Variants in GRAP observed in about 807,000 individuals in gnomAD.
GRAP encodes the protein GRB2-related adapter protein.
GRAP carries 2 observed loss-of-function variants against 9.1 expected under a neutral mutation model. The observed-to-expected ratio is 0.22, with a 90% confidence interval of 0.09 to 0.69. The LOEUF (loss-of-function observed/expected upper bound fraction) is 0.69. Among genes scored for constraint, GRAP ranks in the 30% least tolerant of loss-of-function variants. The probability of loss-of-function intolerance (pLI) is 0.81; values close to 1 mark genes in which losing one functional copy is unlikely to be tolerated. For synonymous variants in GRAP, 68 were observed against 73.6 expected (o/e 0.92, Z 0.39); for missense variants, 113 against 179.4 (o/e 0.63, Z 2.12).
intron 3 of GRAP, among the ~76,000 whole-genome samples, chr17:19,025,654 C>T (rs2044309933): frequency 7.2e-6 from 1 of 139,850 alleles, no homozygotes; most frequent in South Asian, 2.6e-4. Context: ...GCTCTGTCAC[C>T]CAGGCTAGAG....
At chr17:19,025,500 TTCTC>T (rs2044308322) in intron 3 of GRAP, among the ~76,000 whole-genome samples, 1 of 130,646 alleles carries the variant, frequency 7.7e-6, no homozygotes, top group Non-Finnish European at 1.6e-5. Context: ...CCACGGATTT[TTCTC>T]TCTCATTTCC....
In GRAP at chr17:19,021,930, C is replaced by G. The variant is rs539058799; in HGVS notation, c.*29G>C. The G allele has an allele frequency of 4.7e-6, 7 of 1,474,888 alleles. No homozygotes were observed. Among genetic ancestry groups the G allele is most frequent in the Non-Finnish European group, 6.3e-6 (7 of 1,113,898 alleles). 91.4% of individuals were successfully genotyped at this position (1,474,888 alleles called of 1,614,324 possible). ...CTGGACCTCAGTTCCTGTAAAAAGG[C>G]CCGTTGGCCAGATCGGCCGCCGGGC... On this transcript the variant is annotated 3_prime_UTR_variant, in exon 5 of 5. Transcript: ENST00000284154. This position sits in a 1 kb window ranked among gnomAD's most constrained non-coding sequence, Gnocchi z 4.1.
Position 19,020,789 on chromosome 17 carries a change from G to C in GRAP, c.*1170C>G, listed in dbSNP as rs1431472747. The C allele has an allele frequency of 7.8e-6, 2 of 255,072 alleles. No individual in the cohort carries two copies. The highest frequency in any genetic ancestry group is 1.5e-5 in the Non-Finnish European group (2 of 129,538). 15.8% of individuals were successfully genotyped at this position (255,072 alleles called of 1,614,324 possible). A position where few individuals can be genotyped will look rare whatever the true frequency, so the allele number is the denominator to read the frequency against. ...TTCTAAGGGTCTTGGGCCAGCTCTG[G>C]ATGGAGGAAGAGCCCCACATGCCCA... is the stretch of plus-strand genomic sequence containing the variant. On this transcript the variant is annotated 3_prime_UTR_variant, in exon 5 of 5. Coordinates refer to ENST00000284154, the MANE Select transcript of GRAP (RefSeq NM_006613.4).
rs149136744 is a variant in GRAP at position 19,025,635 on chromosome 17, C to T, written c.300-1252G>A. On this transcript the variant is annotated intron_variant, in intron 3 of 4. Transcript: ENST00000284154. ...TTTTCTTTTTTTTTTTTTTTTGAGG[C>T]GTAGTCTCGCTCTGTCACCCAGGCT... Among the ~76,000 whole-genome samples, 1,517 of 139,794 alleles carry T rather than the reference C, an allele frequency of 0.011. 54 individuals carry two copies. The East Asian group carries it at 0.19, about 18-fold the overall frequency. The allele number at this position is 139,794 out of a possible 152,430, so 91.7% of individuals were successfully genotyped here. A position where few individuals can be genotyped will look rare whatever the true frequency, so the allele number is the denominator to read the frequency against.
upstream of GRAP, among the ~76,000 whole-genome samples, chr17:19,048,496 G>C (rs2044385261): frequency 9.4e-6 from 1 of 106,654 alleles, no homozygotes; most frequent in Non-Finnish European, 1.6e-5. Context: ...ATTTTAGCCA[G>C]TGGATTATAA....
At chr17:19,030,042 T>C (rs2044328605) in intron 3 of GRAP, among the ~76,000 whole-genome samples, 1 of 69,956 alleles carries the variant, frequency 1.4e-5, no homozygotes, top group African/African-American at 4.2e-5. Context: ...GGAGTGACTG[T>C]TATGTGTGAG....
At chr17:19,027,598 T>G (rs1186633239) in intron 3 of GRAP, among the ~76,000 whole-genome samples, 1 of 136,514 alleles carries the variant, frequency 7.3e-6, no homozygotes, top group African/African-American at 2.7e-5. Flanking sequence ...AAGCTTGGGT[T>G]CACCCACAGC....
intron 1 of GRAP, among the ~76,000 whole-genome samples, chr17:19,043,411 GGT>G (rs1341706219): frequency 1.3e-5 from 2 of 151,050 alleles, no homozygotes; most frequent in Non-Finnish European, 3.0e-5. Context: ...GACCACCTGA[GGT>G]CAGGAGTTCA....
At position 19,022,034 on chromosome 17, in the gene GRAP, G is replaced by A. The variant is rs766784776; in HGVS notation, c.579C>T (p.Pro193=). 2 of 1,599,714 alleles carry A rather than the reference G, an allele frequency of 1.3e-6. No individual in the cohort carries two copies. The highest frequency in any genetic ancestry group is 2.7e-5 in the African/African-American group (2 of 74,518). The change falls in exon 5 of 5, where the codon CCC becomes CCT. Residue 193 remains proline, a synonymous_variant. Coordinates refer to ENST00000284154, the MANE Select transcript of GRAP (RefSeq NM_006613.4). ...DIIEVLERPD[P]HWWRGRSCGR... Reference sequence around the variant, plus strand: ...CGCAGGACCGGCCCCGCCACCAGTGGGGGTCTGGGCGCTCCAGGACCTCAA... The same window carrying A: ...CGCAGGACCGGCCCCGCCACCAGTGAGGGTCTGGGCGCTCCAGGACCTCAA...
intron 4 of GRAP, 145 bp from the exon 5 acceptor site, chr17:19,022,289 G>A (rs1366023866): frequency 2.0e-6 from 1 of 497,584 alleles, no homozygotes; most frequent in South Asian, 3.4e-5. Context: ...CCAGATCAAT[G>A]GTAGTGCCAC....
Position 19,022,094 on chromosome 17 carries a change from G to A in GRAP, c.519C>T (p.Asp173=). The change falls in exon 5 of 5, where the codon GAC becomes GAT. Residue 173 remains aspartate (D), a synonymous_variant. Coordinates refer to ENST00000284154, the MANE Select transcript of GRAP (RefSeq NM_006613.4). ...AQAQFDFSAQ[D]PSQLSFRRGD... ...CACGGCGGAAGCTGAGCTGCGAGGG[G>A]TCCTGGGCTGAGAAGTCAAACTGGG... 1 of 1,578,738 alleles carries A rather than the reference G, an allele frequency of 6.3e-7. No homozygotes were observed. Among genetic ancestry groups the A allele is most frequent in the Non-Finnish European group, 8.6e-7 (1 of 1,163,348 alleles).
Position 19,024,115 on chromosome 17 carries a change from A to C in GRAP, c.468+100T>G. 2 of 1,202,464 alleles carry C rather than the reference A, an allele frequency of 1.7e-6. No homozygotes were observed. The highest frequency in any genetic ancestry group is 2.4e-6 in the Non-Finnish European group (2 of 849,664). The allele number at this position is 1,202,464 out of a possible 1,614,324, so 74.5% of individuals were successfully genotyped here. The stretch of plus-strand genomic sequence containing the variant: ...GCAATACCAGGCTGCTGGGGAAGTG[A>C]GACCAGGCCCGTGCTTGGCCTCAGT... On this transcript the variant is annotated intron_variant, in intron 4 of 4. Transcript: ENST00000284154. This position sits in a 1 kb window ranked among gnomAD's most constrained non-coding sequence, Gnocchi z 4.2.
intron 3 of GRAP, among the ~76,000 whole-genome samples, chr17:19,025,277 C>T (rs1264020878): frequency 1.3e-5 from 2 of 150,430 alleles, no homozygotes; most frequent in African/African-American, 2.4e-5. Context: ...CTGCAAGCTC[C>T]GCCTCCCAGG....
chr17:19,021,949 G>A lies in GRAP; in HGVS notation c.*10C>T. On this transcript the variant is annotated 3_prime_UTR_variant, in exon 5 of 5. Transcript: ENST00000284154. This position sits in a 1 kb window ranked among gnomAD's most constrained non-coding sequence, Gnocchi z 4.1. The stretch of plus-strand genomic sequence containing the variant: ...AAAAGGCCCGTTGGCCAGATCGGCC[G>A]CCGGGCTGCTCACAGGTGCACGGGC... The A allele has an allele frequency of 3.3e-6, 5 of 1,504,960 alleles. No homozygotes were observed. The South Asian group carries it at 4.0e-5, about 12-fold the overall frequency. The allele number at this position is 1,504,960 out of a possible 1,614,324, so 93.2% of individuals were successfully genotyped here.
At position 19,029,999 on chromosome 17, in the gene GRAP, T is replaced by G. The variant is rs1395448578; in HGVS notation, c.300-5616A>C. ...TGAGTGTGCATTCCTGGGATGCTTG[T>G]GTGTGTGTGTCTGTGTGTGTCTCCC... On this transcript the variant is annotated intron_variant, in intron 3 of 4. Transcript: ENST00000284154. Among the ~76,000 whole-genome samples, 2 of 67,582 alleles carry G rather than the reference T, an allele frequency of 3.0e-5. 1 individual carries two copies. Among genetic ancestry groups the G allele is most frequent in the East Asian group, 4.0e-4 (2 of 4,986 alleles). 44.3% of individuals were successfully genotyped at this position (67,582 alleles called of 152,430 possible).
chr17:19,024,484 A>G lies in GRAP; in HGVS notation c.300-101T>C. ...CTACCACCTGGAACCAGCCTGTCTC[A>G]CGGTGGGACCTGGAGTCAGATAAGG... On this transcript the variant is annotated intron_variant, in intron 3 of 4. Coordinates refer to ENST00000284154, the MANE Select transcript of GRAP (RefSeq NM_006613.4). The surrounding 1 kb of genome is among the most constrained non-coding windows in gnomAD (Gnocchi z 4.2). 6.7e-7 allele frequency: 1 copy of G among 1,493,456 alleles called. No individual in the cohort carries two copies. Among genetic ancestry groups the G allele is most frequent in the Non-Finnish European group, 8.9e-7 (1 of 1,118,582 alleles). The allele number at this position is 1,493,456 out of a possible 1,614,324, so 92.5% of individuals were successfully genotyped here. A position where few individuals can be genotyped will look rare whatever the true frequency, so the allele number is the denominator to read the frequency against.
chr17:19,021,939 C>A lies in GRAP; in HGVS notation c.*20G>T. Reference sequence around the variant, plus strand: ...AGTTCCTGTAAAAAGGCCCGTTGGCCAGATCGGCCGCCGGGCTGCTCACAG... The same window carrying A: ...AGTTCCTGTAAAAAGGCCCGTTGGCAAGATCGGCCGCCGGGCTGCTCACAG... On this transcript the variant is annotated 3_prime_UTR_variant, in exon 5 of 5. Transcript: ENST00000284154. This position sits in a 1 kb window ranked among gnomAD's most constrained non-coding sequence, Gnocchi z 4.1. 6.7e-7 allele frequency: 1 copy of A among 1,492,582 alleles called. No individual in the cohort carries two copies. Among genetic ancestry groups the A allele is most frequent in the Admixed American group, 2.4e-5 (1 of 42,472 alleles). The allele number at this position is 1,492,582 out of a possible 1,614,324, so 92.5% of individuals were successfully genotyped here.
intron 3 of GRAP, among the ~76,000 whole-genome samples, chr17:19,025,013 G>A (rs1232489095): frequency 6.6e-6 from 1 of 152,034 alleles, no homozygotes; most frequent in African/African-American, 2.4e-5. Context: ...CTCAAGATCT[G>A]GCTCCACTTA....
At chr17:19,022,323 C>A (rs2044277681) in intron 4 of GRAP, 179 bp from the exon 5 acceptor site, 3 of 465,784 alleles carry the variant, frequency 6.4e-6, no homozygotes, top group African/African-American at 2.0e-5. Flanking sequence ...GCTGCCCACA[C>A]CCCTGCCTGT....
Sources: gnomAD v4.1 joint callset for allele counts (sites outside exome capture counted in the v4.1 genomes callset) on GRCh38, gnomAD v4.1.1 for gene constraint, Gnocchi (gnomAD v3.1) non-coding constraint, MANE v1.5 for transcripts, NCBI Gene and HGNC (gene_info 2026-07-23, HGNC 2026-07-21) for gene names.